ACSS3: variants seen among roughly 807,000 people sequenced by gnomAD.
The protein encoded by ACSS3 is acyl-CoA synthetase short chain family member 3.
Under a neutral mutation model 84.2 loss-of-function variants are expected in ACSS3, and 64 were observed. The observed-to-expected ratio is 0.76, with a 90% CI of 0.62 to 0.94. The LOEUF is 0.94. ACSS3 is among the 40% of genes least tolerant of loss of function. ACSS3 has a pLI of 0.00. For synonymous variants in ACSS3, 317 were observed against 310.1 expected (o/e 1.02, Z -0.23); for missense variants, 815 against 867.6 (o/e 0.94, Z 0.76).
chr12:81,170,369 T>TG (rs1239966738), intron 7 of ACSS3, among the ~76,000 whole-genome samples: 1 of 152,166 alleles, frequency 6.6e-6, no homozygotes, highest in Non-Finnish European at 1.5e-5. Flanking sequence ...GTAACTGTTT[T>TG]GGTTTCTGTG....
At chr12:81,099,455 A>G (rs953787983) in intron 1 of ACSS3, among the ~76,000 whole-genome samples, 1 of 152,196 alleles carries the variant, frequency 6.6e-6, no homozygotes, top group Non-Finnish European at 1.5e-5. Flanking sequence ...CATTATGACA[A>G]CTAAATATGG....
chr12:81,149,801 G>A (rs1279631733), intron 5 of ACSS3, among the ~76,000 whole-genome samples: 2 of 152,076 alleles, frequency 1.3e-5, no homozygotes, highest in East Asian at 3.8e-4. Context: ...TTGACTGATA[G>A]GAGCACAGGG....
intron 1 of ACSS3, among the ~76,000 whole-genome samples, chr12:81,098,269 C>G (rs1351872561): frequency 3.3e-5 from 5 of 152,054 alleles, no homozygotes; most frequent in African/African-American, 1.2e-4. Context: ...CAGCCGCCCA[C>G]AACCCTGAGC....
chr12:81,212,241 A>G (rs543875116), intron 9 of ACSS3, among the ~76,000 whole-genome samples: 3 of 152,208 alleles, frequency 2.0e-5, no homozygotes, highest in Non-Finnish European at 2.9e-5. Flanking sequence ...GGAGGTCTCC[A>G]TGCGGGTAGA....
chr12:81,172,748 T>C (rs1191185577), intron 7 of ACSS3, among the ~76,000 whole-genome samples: 3 of 152,210 alleles, frequency 2.0e-5, no homozygotes. Context: ...TCATTAAACA[T>C]AAGAAATTGG....
intron 7 of ACSS3, among the ~76,000 whole-genome samples, chr12:81,157,350 T>C (rs1247535504): frequency 6.6e-6 from 1 of 152,186 alleles, no homozygotes; most frequent in Non-Finnish European, 1.5e-5. Context: ...TGAAAGGAAC[T>C]TCCTCAACCT....
At chr12:81,245,170 A>T (rs1227898236) in intron 13 of ACSS3, among the ~76,000 whole-genome samples, 2 of 152,124 alleles carry the variant, frequency 1.3e-5, no homozygotes, top group Non-Finnish European at 2.9e-5. Flanking sequence ...CCCCTCTTAA[A>T]ATAGGATGAG....
In ACSS3 at chr12:81,088,417, A is replaced by C. The variant is rs1881458243; in HGVS notation, c.311+9986A>C. Among the ~76,000 whole-genome samples, 3 of 152,196 alleles carry C rather than the reference A, an allele frequency of 2.0e-5. No homozygotes were observed. The South Asian group carries it at 6.2e-4, about 32-fold the overall frequency. ...GATAATTTAGTCTGCTAAAGTACAT[A>C]AACATTGTCAGGTATATCATAAAAT... On this transcript the variant is annotated intron_variant, in intron 1 of 15. Transcript: ENST00000548058.
intron 12 of ACSS3, among the ~76,000 whole-genome samples, chr12:81,232,238 G>A (rs961298171): frequency 6.6e-6 from 1 of 151,672 alleles, no homozygotes; most frequent in Non-Finnish European, 1.5e-5. Context: ...AATGGCAAAT[G>A]ATATGTGCAT....
chr12:81,196,398 T>C (rs757542678), intron 8 of ACSS3, among the ~76,000 whole-genome samples: 27 of 152,206 alleles, frequency 1.8e-4, no homozygotes, highest in Non-Finnish European at 2.2e-4. Context: ...AATTTTTATA[T>C]TCATTGCATG....
chr12:81,186,188 C>T (rs2031242293), intron 8 of ACSS3, among the ~76,000 whole-genome samples: 1 of 151,692 alleles, frequency 6.6e-6, no homozygotes, highest in South Asian at 2.1e-4. Context: ...CCTTAACCTA[C>T]ATTATACACA....
intron 9 of ACSS3, among the ~76,000 whole-genome samples, chr12:81,214,621 T>C (rs1488274968): frequency 6.6e-6 from 1 of 152,216 alleles, no homozygotes; most frequent in Non-Finnish European, 1.5e-5. Flanking sequence ...ATCAGCTTAC[T>C]TAGGCAGTGA....
intron 8 of ACSS3, among the ~76,000 whole-genome samples, chr12:81,177,130 A>T (rs988779072): frequency 6.6e-6 from 1 of 152,146 alleles, no homozygotes; most frequent in Non-Finnish European, 1.5e-5. Flanking sequence ...TTCATTTTAA[A>T]ACCCCAAACA....
intron 13 of ACSS3, among the ~76,000 whole-genome samples, chr12:81,252,899 G>A (rs2034195815): frequency 6.6e-6 from 1 of 152,200 alleles, no homozygotes; most frequent in Admixed American, 6.5e-5. Flanking sequence ...CCTCTGGAAG[G>A]TATGCCTATG....
intron 7 of ACSS3, among the ~76,000 whole-genome samples, chr12:81,157,231 T>C (rs200465517): frequency 1.3e-5 from 2 of 152,214 alleles, no homozygotes; most frequent in East Asian, 3.8e-4. Context: ...TAATCTACCA[T>C]ATTAATAGGC....
At chr12:81,098,848 T>G (rs1728732165) in intron 1 of ACSS3, among the ~76,000 whole-genome samples, 2 of 152,188 alleles carry the variant, frequency 1.3e-5, no homozygotes, top group Non-Finnish European at 2.9e-5. Context: ...TCTTTCTTAT[T>G]ATGTGCTTTC....
intron 5 of ACSS3, among the ~76,000 whole-genome samples, chr12:81,145,520 G>A (rs933713324): frequency 2.0e-5 from 3 of 152,104 alleles, no homozygotes; most frequent in African/African-American, 4.8e-5. Context: ...CCTTTAGTTG[G>A]GAAGATAGGT....
chr12:81,102,971 CAT>C (rs1486181615), intron 1 of ACSS3, among the ~76,000 whole-genome samples: 11 of 152,278 alleles, frequency 7.2e-5, no homozygotes, highest in African/African-American at 1.4e-4. Flanking sequence ...AATGTGCACA[CAT>C]GTGTTAGATT....
intron 7 of ACSS3, among the ~76,000 whole-genome samples, chr12:81,161,448 C>T (rs1887142810): frequency 1.3e-5 from 2 of 152,194 alleles, no homozygotes; most frequent in Non-Finnish European, 1.5e-5. Flanking sequence ...CATTACCAAG[C>T]ATTTTAATGT....
Sources: allele counts gnomAD v4.1 joint callset (sites outside exome capture counted in the v4.1 genomes callset), GRCh38; gene constraint gnomAD v4.1.1; transcripts MANE v1.5; gene names NCBI Gene and HGNC (gene_info 2026-07-23, HGNC 2026-07-21).